PPP1R12A: variants seen among roughly 807,000 people sequenced by gnomAD.
PPP1R12A encodes protein phosphatase 1 regulatory subunit 12A, also known as myosin binding subunit.
Under a neutral mutation model 139.6 loss-of-function variants are expected in PPP1R12A, and 19 were observed. That is an observed-to-expected ratio of 0.14 (90% CI 0.09 to 0.20). The LOEUF is 0.20. Ranked by LOEUF, PPP1R12A falls within the 10% of genes least tolerant of loss-of-function variation. The pLI is 1.00. For missense variants in PPP1R12A, 925 were observed against 1,211.5 expected, an observed-to-expected ratio of 0.76 and a Z score of 3.51; for synonymous variants, 427 against 420.6, an observed-to-expected ratio of 1.02 and a Z score of -0.19.
At chr12:79,885,988 A>G (rs190510650) in intron 1 of PPP1R12A, among the ~76,000 whole-genome samples, 12 of 152,222 alleles carry the variant, frequency 7.9e-5, no homozygotes, top group South Asian at 2.1e-4. Context: ...GAGCCACCAC[A>G]TTCAGCCAAA....
In PPP1R12A at chr12:79,808,580, AC is replaced by A; in HGVS notation, c.1456-4del. On this transcript the variant is annotated splice_region_variant and splice_polypyrimidine_tract_variant and intron_variant, in intron 10 of 24. Coordinates refer to ENST00000450142, the MANE Select transcript of PPP1R12A (RefSeq NM_002480.3). ...CTAGTTCCTTTACTATCTTTCTCCT[AC>A]ACAACAGGGAAAAAAATAAGTAAAA... 2 of 1,572,478 alleles carry A rather than the reference AC, an allele frequency of 1.3e-6. No homozygotes were observed. The highest frequency in any genetic ancestry group is 1.7e-6 in the Non-Finnish European group (2 of 1,146,122).
chr12:79,801,340 T>A (rs1873130502), intron 14 of PPP1R12A, among the ~76,000 whole-genome samples: 2 of 55,032 alleles, frequency 3.6e-5, no homozygotes. Flanking sequence ...AGCAAAACTC[T>A]GTCTCAAAAA....
intron 5 of PPP1R12A, among the ~76,000 whole-genome samples, chr12:79,823,446 T>C (rs1271449371): frequency 1.3e-5 from 2 of 152,188 alleles, no homozygotes; most frequent in Non-Finnish European, 2.9e-5. Flanking sequence ...AAACCTCGTT[T>C]CTATACCAAC....
In PPP1R12A at chr12:79,786,398, T is replaced by C. The variant is rs1278861772; in HGVS notation, c.2883A>G (p.Lys961=). Residue 961 remains lysine (K), a synonymous_variant, in exon 22 of 25, where the codon AAA becomes AAG. Coordinates refer to ENST00000450142, the MANE Select transcript of PPP1R12A (RefSeq NM_002480.3). ...HDTNMELTDL[K]LQLEKATQRQ... ...CCTGGGTGGCCTTTTCCAACTGTAATTTAAGATCTGTTAGTTCCATATTTG... is the reference window on the plus strand; with the variant it reads ...CCTGGGTGGCCTTTTCCAACTGTAACTTAAGATCTGTTAGTTCCATATTTG... 2 of 1,556,516 alleles carry C rather than the reference T, an allele frequency of 1.3e-6. No individual in the cohort carries two copies. The highest frequency in any genetic ancestry group is 1.7e-6 in the Non-Finnish European group (2 of 1,149,920).
chr12:79,899,236 ATATATATATATATATATAT>A (rs1885414784), intron 1 of PPP1R12A, among the ~76,000 whole-genome samples: 74 of 3,618 alleles, frequency 0.02, no homozygotes, highest in African/African-American at 0.023. Context: ...TCTTAAAAAT[ATATATATATATATATATAT>A]ATATATATAT....
At chr12:79,778,889 C>A in intron 23 of PPP1R12A, 1 of 242,930 alleles carries the variant, frequency 4.1e-6, no homozygotes. Flanking sequence ...TAGAGTGAAT[C>A]AATACTCAAG....
chr12:79,809,087 C>A (rs1471883051), intron 10 of PPP1R12A, among the ~76,000 whole-genome samples: 1 of 151,974 alleles, frequency 6.6e-6, no homozygotes, highest in Non-Finnish European at 1.5e-5. Context: ...CTGATACATT[C>A]CTAGTAAGCT....
intron 23 of PPP1R12A, 34 bp downstream of exon 23, chr12:79,781,781 A>G: frequency 7.4e-7 from 1 of 1,347,790 alleles, no homozygotes; most frequent in Non-Finnish European, 1.0e-6. Flanking sequence ...AACAAGAAAG[A>G]AAAAAATAAT....
At position 79,814,527 on chromosome 12, in the gene PPP1R12A, A is replaced by C. The variant is rs571957534; in HGVS notation, c.1239+2867T>G. On this transcript the variant is annotated intron_variant, in intron 9 of 24. Transcript: ENST00000450142. Reference sequence around the variant, plus strand: ...GACTCCCCCTCTTCATTAAAAAAAAAATTTCAGGCCAGGCACGGTGGCTCA... The same window carrying C: ...GACTCCCCCTCTTCATTAAAAAAAACATTTCAGGCCAGGCACGGTGGCTCA... Among the ~76,000 whole-genome samples the C allele has an allele frequency of 1.4e-4, 20 of 146,406 alleles. No individual in the cohort carries two copies. In the South Asian group the frequency reaches 4.4e-3, roughly 32 times the overall value.
chr12:79,808,026 ACT>A (rs1461406440), intron 11 of PPP1R12A, among the ~76,000 whole-genome samples: 1 of 151,700 alleles, frequency 6.6e-6, no homozygotes, highest in East Asian at 1.9e-4. Context: ...ACAGAGCGAG[ACT>A]CTGTCTCAAA....
At chr12:79,906,461 T>C (rs1886126467) in intron 1 of PPP1R12A, among the ~76,000 whole-genome samples, 1 of 152,156 alleles carries the variant, frequency 6.6e-6, no homozygotes. Flanking sequence ...CTAAATGTTC[T>C]ATACGGCAGA....
At chr12:79,880,447 G>A (rs1040645810) in intron 1 of PPP1R12A, among the ~76,000 whole-genome samples, 1 of 152,098 alleles carries the variant, frequency 6.6e-6, no homozygotes, top group Non-Finnish European at 1.5e-5. Flanking sequence ...ACAGGATAAG[G>A]CTAAGTGGTA....
chr12:79,935,370 GGGAA>G, upstream of PPP1R12A: 3 of 999,694 alleles, frequency 3.0e-6, no homozygotes, highest in Non-Finnish European at 3.6e-6. Context: ...GGAGGAAGCG[GGGAA>G]GGAAGGTTGT....
intron 21 of PPP1R12A, chr12:79,788,132 T>TTTGTAC (rs1871347613): frequency 6.6e-6 from 1 of 152,390 alleles, no homozygotes; most frequent in African/African-American, 2.4e-5. Flanking sequence ...AGCTGCCAGA[T>TTTGTAC]AACTGGGGAC....
intron 1 of PPP1R12A, among the ~76,000 whole-genome samples, chr12:79,909,294 C>T (rs1223300727): frequency 2.6e-5 from 4 of 152,118 alleles, no homozygotes; most frequent in Admixed American, 2.6e-4. Context: ...TCCTTAAATA[C>T]TATTATATAA....
At chr12:79,792,697 C>T (rs898206895) in intron 19 of PPP1R12A, among the ~76,000 whole-genome samples, 3 of 152,106 alleles carry the variant, frequency 2.0e-5, no homozygotes, top group South Asian at 4.1e-4. Context: ...AATCTCCCTT[C>T]CACTCCAGCC....
At chr12:79,922,134 C>T (rs1184084686) in intron 1 of PPP1R12A, among the ~76,000 whole-genome samples, 1 of 152,068 alleles carries the variant, frequency 6.6e-6, no homozygotes, top group African/African-American at 2.4e-5. Flanking sequence ...GGTGGGCACA[C>T]GCCTGTAGTC....
intron 3 of PPP1R12A, among the ~76,000 whole-genome samples, chr12:79,835,092 C>A (rs1443979063): frequency 1.3e-5 from 2 of 152,070 alleles, no homozygotes; most frequent in Non-Finnish European, 2.9e-5. Flanking sequence ...GAGAAATGGG[C>A]TGAAAAAGGA....
intron 2 of PPP1R12A, among the ~76,000 whole-genome samples, chr12:79,869,924 T>TTATTA (rs994509618): frequency 2.7e-5 from 4 of 150,026 alleles, no homozygotes; most frequent in African/African-American, 9.8e-5. Context: ...ATTATTATTA[T>TTATTA]TATTATTATT....
Sources: allele counts gnomAD v4.1 joint callset (sites outside exome capture counted in the v4.1 genomes callset), GRCh38; gene constraint gnomAD v4.1.1; transcripts MANE v1.5; gene names NCBI Gene and HGNC (gene_info 2026-07-23, HGNC 2026-07-21).